Variants in HS3ST3B1 observed in about 807,000 individuals in gnomAD.
HS3ST3B1 encodes heparan sulfate glucosamine 3-O-sulfotransferase 3B1.
Under a neutral mutation model 21.3 loss-of-function variants are expected in HS3ST3B1, and 13 were observed. That is an observed-to-expected ratio of 0.61 (90% CI 0.40 to 0.97). The LOEUF (loss-of-function observed/expected upper bound fraction) is 0.97, where lower values mean the gene tolerates loss of function less well. HS3ST3B1 is among the 50% of genes least tolerant of loss of function. HS3ST3B1 has a pLI of 0.00. For missense variants in HS3ST3B1, 459 were observed against 554.8 expected (o/e 0.83, Z 1.73); for synonymous variants, 234 against 254.8 (o/e 0.92, Z 0.78).
At chr17:14,302,530 G>A (rs980040187) in intron 1 of HS3ST3B1, among the ~76,000 whole-genome samples, 1 of 152,182 alleles carries the variant, frequency 6.6e-6, no homozygotes, top group Non-Finnish European at 1.5e-5. Context: ...CCCAGATGGG[G>A]AGAGGGGGTG....
chr17:14,303,326 G>A lies in HS3ST3B1; in HGVS notation c.554+1254G>A, dbSNP rs1414229528. 3.9e-5 allele frequency among the ~76,000 whole-genome samples: 6 copies of A among 152,192 alleles called. No homozygotes were observed. The highest frequency in any genetic ancestry group is 4.4e-5 in the Non-Finnish European group (3 of 68,038). On this transcript the variant is annotated intron_variant, in intron 1 of 1. Coordinates refer to ENST00000360954, the MANE Select transcript of HS3ST3B1 (RefSeq NM_006041.3). This position sits in a 1 kb window ranked among gnomAD's most constrained non-coding sequence, Gnocchi z 5.7. Reference sequence around the variant, plus strand: ...TCTCCCTGTGCCCACCCCACTGTCGGGACCTGGGTGGGTTGGAGAATAAAA... The same window carrying A: ...TCTCCCTGTGCCCACCCCACTGTCGAGACCTGGGTGGGTTGGAGAATAAAA...
At chr17:14,337,886 A>G (rs1282033822) in intron 1 of HS3ST3B1, among the ~76,000 whole-genome samples, 1 of 151,738 alleles carries the variant, frequency 6.6e-6, no homozygotes, top group Non-Finnish European at 1.5e-5. Flanking sequence ...TTAGGTGCAC[A>G]TGAATATCAG....
chr17:14,329,148 C>T (rs1301542561), intron 1 of HS3ST3B1: 1 of 152,064 alleles, frequency 6.6e-6, no homozygotes, highest in African/African-American at 2.4e-5. Flanking sequence ...CCTAGTGGTC[C>T]TGCACTCAGG....
intron 1 of HS3ST3B1, chr17:14,329,367 A>AATAAAAGG (rs1555549453): frequency 1.9e-5 from 2 of 106,192 alleles, no homozygotes; most frequent in African/African-American, 7.4e-5. Context: ...GAAAGAAAGA[A>AATAAAAGG]AAGGAAGGAA....
intron 1 of HS3ST3B1, among the ~76,000 whole-genome samples, chr17:14,330,710 G>A (rs1909984224): frequency 6.6e-6 from 1 of 152,102 alleles, no homozygotes; most frequent in Admixed American, 6.6e-5. Context: ...AAGGGTACAA[G>A]GGAAGGCTGC....
chr17:14,325,232 C>T (rs1195136602), intron 1 of HS3ST3B1, among the ~76,000 whole-genome samples: 1 of 152,184 alleles, frequency 6.6e-6, no homozygotes, highest in Non-Finnish European at 1.5e-5. Flanking sequence ...CATGGTTAAT[C>T]CAGCCTTTTT....
At chr17:14,310,548 T>G (rs1316405140) in intron 1 of HS3ST3B1, among the ~76,000 whole-genome samples, 1 of 152,198 alleles carries the variant, frequency 6.6e-6, no homozygotes, top group Non-Finnish European at 1.5e-5. Flanking sequence ...CATCGTTGCA[T>G]GAGATGTTGA....
In HS3ST3B1 at chr17:14,348,335, C is replaced by T. The variant is rs1910633764; in HGVS notation, c.*2689C>T. On this transcript the variant is annotated 3_prime_UTR_variant, in exon 2 of 2. Transcript: ENST00000360954. ...CTATTCTGGGTCAAATCCTTGAATT[C>T]AAACAGATGTCCATAATCAGTACTG... 6.6e-6 allele frequency: 1 copy of T among 152,178 alleles called. No homozygotes were observed. Among genetic ancestry groups the T allele is most frequent in the African/African-American group, 2.4e-5 (1 of 41,428 alleles). The allele number at this position is 152,178 out of a possible 1,614,324, so 9.4% of individuals were successfully genotyped here.
intron 1 of HS3ST3B1, among the ~76,000 whole-genome samples, chr17:14,320,090 G>C (rs895796104): frequency 6.6e-6 from 1 of 152,188 alleles, no homozygotes; most frequent in Non-Finnish European, 1.5e-5. Context: ...GAGTGGAAGG[G>C]ACAGGACCTG....
chr17:14,344,335 A>C (rs780364160), intron 1 of HS3ST3B1, among the ~76,000 whole-genome samples: 1 of 152,192 alleles, frequency 6.6e-6, no homozygotes, highest in African/African-American at 2.4e-5. Flanking sequence ...CGTTGATCCC[A>C]TCACCCAGGT....
chr17:14,313,689 G>A (rs1219410913), intron 1 of HS3ST3B1, among the ~76,000 whole-genome samples: 1 of 151,966 alleles, frequency 6.6e-6, no homozygotes, highest in Non-Finnish European at 1.5e-5. Flanking sequence ...TCCTGCCTCA[G>A]CCTCCCAAGT....
intron 1 of HS3ST3B1, chr17:14,304,556 A>G (rs758932444): frequency 3.3e-5 from 5 of 152,212 alleles, no homozygotes; most frequent in Admixed American, 6.5e-5. Flanking sequence ...CGCCAGGAGG[A>G]GACTGCTGAC....
intron 1 of HS3ST3B1, among the ~76,000 whole-genome samples, chr17:14,332,117 GA>G (rs1910032253): frequency 1.3e-5 from 2 of 152,158 alleles, no homozygotes; most frequent in South Asian, 4.1e-4. Flanking sequence ...AGTAGATGAA[GA>G]AAGGGGAGAG....
intron 1 of HS3ST3B1, among the ~76,000 whole-genome samples, chr17:14,315,620 C>T (rs1051360128): frequency 1.3e-5 from 2 of 151,980 alleles, no homozygotes; most frequent in Non-Finnish European, 2.9e-5. Flanking sequence ...GTCAGGAGAT[C>T]GAGACCAGCC....
chr17:14,314,745 C>T (rs533828345), intron 1 of HS3ST3B1, among the ~76,000 whole-genome samples: 457 of 152,250 alleles, frequency 3.0e-3, no homozygotes, highest in Non-Finnish European at 4.0e-3. Flanking sequence ...TCTCTCCTTC[C>T]GACATTCTGC....
intron 1 of HS3ST3B1, among the ~76,000 whole-genome samples, chr17:14,310,622 A>C (rs1007208874): frequency 6.6e-6 from 1 of 152,210 alleles, no homozygotes; most frequent in Non-Finnish European, 1.5e-5. Flanking sequence ...AGACACACAA[A>C]GTACACAATT....
Position 14,313,122 on chromosome 17 carries a change from A to G in HS3ST3B1, c.554+11050A>G, listed in dbSNP as rs554854987. On this transcript the variant is annotated intron_variant, in intron 1 of 1. Coordinates refer to ENST00000360954, the MANE Select transcript of HS3ST3B1 (RefSeq NM_006041.3). ...TGTGTGTGTGTGTATATATATATAT[A>G]TGTGTGTGTGTGTATATATATATTT... is the stretch of plus-strand genomic sequence containing the variant. Among the ~76,000 whole-genome samples, 75 of 145,748 alleles carry G rather than the reference A, an allele frequency of 5.1e-4. 1 individual carries two copies. The highest frequency in any genetic ancestry group is 8.5e-4 in the Non-Finnish European group (57 of 67,072).
chr17:14,338,341 G>A (rs1047540740), intron 1 of HS3ST3B1, among the ~76,000 whole-genome samples: 1 of 151,724 alleles, frequency 6.6e-6, no homozygotes, highest in African/African-American at 2.4e-5. Flanking sequence ...AGCCAGGACG[G>A]TCTCGATCTC....
At chr17:14,332,829 C>CTTTTTTTT (rs71147859) in intron 1 of HS3ST3B1, among the ~76,000 whole-genome samples, 5 of 91,042 alleles carry the variant, frequency 5.5e-5, no homozygotes, top group Non-Finnish European at 8.3e-5. Flanking sequence ...GACCTTTTAT[C>CTTTTTTTT]TTTTTTTTTT....
Sources: gnomAD v4.1 joint callset for allele counts (sites outside exome capture counted in the v4.1 genomes callset) on GRCh38, gnomAD v4.1.1 for gene constraint, Gnocchi (gnomAD v3.1) non-coding constraint, MANE v1.5 for transcripts, NCBI Gene and HGNC (gene_info 2026-07-23, HGNC 2026-07-21) for gene names.